IGHMBP2: variants seen among roughly 807,000 people sequenced by gnomAD.
IGHMBP2 encodes the protein DNA-binding protein SMUBP-2.
A neutral mutation model predicts 96.0 loss-of-function variants in IGHMBP2; 81 were observed. The observed-to-expected ratio is 0.84, with a 90% confidence interval of 0.71 to 1.01. IGHMBP2 has a LOEUF of 1.01. Ranked by LOEUF, IGHMBP2 falls within the 50% of genes least tolerant of loss-of-function variation. The pLI is 0.00. For missense variants in IGHMBP2, 1,227 were observed against 1,306.3 expected (o/e 0.94, Z 0.94); for synonymous variants, 557 against 548.9 (o/e 1.01, Z -0.21).
At chr11:68,915,163 G>GT in intron 6 of IGHMBP2, 140 bp downstream of exon 6, 2 of 268,888 alleles carry the variant, frequency 7.4e-6, no homozygotes, top group African/African-American at 3.4e-5. Context: ...AAATTGGGCT[G>GT]CCCTTTTTTT....
At position 68,936,521 on chromosome 11, in the gene IGHMBP2, G is replaced by T; in HGVS notation, c.2041G>T (p.Glu681Ter). 1 of 1,613,494 alleles carries T rather than the reference G, an allele frequency of 6.2e-7. No individual in the cohort carries two copies. The highest frequency in any genetic ancestry group is 8.5e-7 in the Non-Finnish European group (1 of 1,179,858). Residue 681 changes from glutamate (E) to a stop codon, truncating the protein, a stop_gained, in exon 13 of 15, where the codon GAG (glutamate) becomes TAG (stop). Coordinates refer to ENST00000255078, the MANE Select transcript of IGHMBP2 (RefSeq NM_002180.3). LOFTEE classifies it high-confidence loss of function. ...TSTRTGSQRQ[E>*]GGQEAAAPAR... is the part of the protein sequence containing the mutation. ...CACCAGGACCGGAAGCCAGCGGCAG[G>T]AGGGAGGCCAGGAGGCTGCAGCACC...
intron 5 of IGHMBP2, among the ~76,000 whole-genome samples, chr11:68,913,043 C>CAAAAAAAAAAAAAAAA (rs71043469): frequency 6.4e-4 from 24 of 37,480 alleles, no homozygotes; most frequent in Non-Finnish European, 7.7e-4. Context: ...ACTCCATCTC[C>CAAAAAAAAAAAAAAAA]AAAAAAAAAA....
At chr11:68,913,695 G>A (rs1344690989) in intron 5 of IGHMBP2, among the ~76,000 whole-genome samples, 1 of 152,118 alleles carries the variant, frequency 6.6e-6, no homozygotes, top group Non-Finnish European at 1.5e-5. Flanking sequence ...AAGGGGGGAG[G>A]ATCACTTGAA....
intron 1 of IGHMBP2, among the ~76,000 whole-genome samples, chr11:68,905,205 A>G (rs1858141085): frequency 6.6e-6 from 1 of 152,240 alleles, no homozygotes; most frequent in African/African-American, 2.4e-5. Flanking sequence ...GCTGTCAGGC[A>G]GTCTGCTTCC....
At chr11:68,927,324 A>G (rs992194836) in intron 7 of IGHMBP2, among the ~76,000 whole-genome samples, 1 of 152,222 alleles carries the variant, frequency 6.6e-6, no homozygotes, top group Non-Finnish European at 1.5e-5. Flanking sequence ...CTTAGTGGCC[A>G]GCTAGTGATT....
At chr11:68,910,860 G>T (rs181309125) in intron 4 of IGHMBP2, among the ~76,000 whole-genome samples, 11 of 145,720 alleles carry the variant, frequency 7.5e-5, no homozygotes, top group African/African-American at 2.8e-4. Context: ...TCCAGCCTGG[G>T]TGACAAGCAA....
At chr11:68,917,999 G>A (rs1858736001) in intron 7 of IGHMBP2, 116 bp downstream of exon 7, 1 of 1,210,394 alleles carries the variant, frequency 8.3e-7, no homozygotes, top group Non-Finnish European at 1.2e-6. Flanking sequence ...TTAAAAGTTG[G>A]GTAGGGTTCA....
intron 2 of IGHMBP2, 66 bp downstream of exon 2, chr11:68,906,304 C>T (rs763529886): frequency 1.8e-5 from 28 of 1,517,078 alleles, no homozygotes; most frequent in Middle Eastern, 1.8e-4. Flanking sequence ...CTTGTACCCT[C>T]GTAAAGACTG....
At chr11:68,932,747 T>C (rs1368497820) in intron 8 of IGHMBP2, 1 of 165,634 alleles carries the variant, frequency 6.0e-6, no homozygotes, top group East Asian at 1.6e-4. Context: ...CAACAGATTT[T>C]CTGACCTCCA....
chr11:68,936,451 G>C lies in IGHMBP2; in HGVS notation c.1971G>C (p.Gln657His). The change falls in exon 13 of 15, where the codon CAG (glutamine) becomes CAC (histidine). Residue 657 changes from glutamine to histidine, a missense_variant. Transcript: ENST00000255078. ...AAAACTATTCCCATGAGAACTCCCA[G>C]GGTTCCAGCCACGCTGCCACCAAGC... ...VPENYSHENS[Q>H]GSSHAATKPQ... 1 of 1,614,026 alleles carries C rather than the reference G, an allele frequency of 6.2e-7. No individual in the cohort carries two copies. The highest frequency in any genetic ancestry group is 8.5e-7 in the Non-Finnish European group (1 of 1,180,006).
At position 68,939,692 on chromosome 11, in the gene IGHMBP2, C is replaced by T. The variant is rs773684186; in HGVS notation, c.2943C>T (p.Ser981=). 3 of 1,612,444 alleles carry T rather than the reference C, an allele frequency of 1.9e-6. No individual in the cohort carries two copies. The highest frequency in any genetic ancestry group is 1.7e-5 in the Admixed American group (1 of 59,814). Residue 981 remains serine, a synonymous_variant, in exon 15 of 15, where the codon AGC becomes AGT. Transcript: ENST00000255078. ...TGGATAAGAAGCTGAGTGAGCTCAG[C>T]AACCAGAGGACCAGCCGGAGGAAGG... ...RRLDKKLSEL[S]NQRTSRRKER...
intron 7 of IGHMBP2, among the ~76,000 whole-genome samples, chr11:68,921,335 G>A (rs1858869476): frequency 6.6e-6 from 1 of 152,070 alleles, no homozygotes; most frequent in Admixed American, 6.5e-5. Context: ...CTGGACTCAG[G>A]GGATCCTCCC....
At chr11:68,918,942 G>C (rs186422664) in intron 7 of IGHMBP2, among the ~76,000 whole-genome samples, 1 of 151,982 alleles carries the variant, frequency 6.6e-6, no homozygotes, top group Admixed American at 6.6e-5. Context: ...GCTTCTTAAT[G>C]TAGAAGCTGA....
chr11:68,913,204 A>G (rs1858514748), intron 5 of IGHMBP2, among the ~76,000 whole-genome samples: 1 of 152,156 alleles, frequency 6.6e-6, no homozygotes, highest in African/African-American at 2.4e-5. Flanking sequence ...CGGTTTTCCA[A>G]TGTGTGAGTG....
Position 68,936,915 on chromosome 11 carries a change from C to T in IGHMBP2, c.2435C>T (p.Pro812Leu). 1 of 1,605,730 alleles carries T rather than the reference C, an allele frequency of 6.2e-7. No individual in the cohort carries two copies. Among genetic ancestry groups the T allele is most frequent in the Non-Finnish European group, 8.5e-7 (1 of 1,176,570 alleles). The change falls in exon 13 of 15, where the codon CCT (proline) becomes CTT (leucine). Residue 812 changes from proline to leucine, a missense_variant. Physicochemically the swap from Pro to Leu is moderately conservative, Grantham distance 98 (BLOSUM62 -3). Around this residue, in one of 3 missense-constraint regions of IGHMBP2, gnomAD observed 703 missense variants for 770.3 expected, o/e 0.91. Coordinates refer to ENST00000255078, the MANE Select transcript of IGHMBP2 (RefSeq NM_002180.3). ...PAPLQPVPPT[P>L]AQTEQPPREQ... ...CCTCTCCAGCCAGTGCCCCCTACCCCTGCGCAGACAGAGCAGCCTCCCAGG... is the reference window on the plus strand; with the variant it reads ...CCTCTCCAGCCAGTGCCCCCTACCCTTGCGCAGACAGAGCAGCCTCCCAGG...
chr11:68,928,956 C>G (rs1859169702), intron 7 of IGHMBP2, among the ~76,000 whole-genome samples: 1 of 152,234 alleles, frequency 6.6e-6, no homozygotes. Context: ...AATTGAAGAT[C>G]AGAGGGGCCT....
At chr11:68,911,677 A>G in intron 5 of IGHMBP2, 74 bp downstream of exon 5, 1 of 1,414,522 alleles carries the variant, frequency 7.1e-7, no homozygotes. Context: ...GTGCTCAGCG[A>G]CCTTTCAGCC....
At chr11:68,913,208 G>A (rs752361078) in intron 5 of IGHMBP2, among the ~76,000 whole-genome samples, 1 of 152,206 alleles carries the variant, frequency 6.6e-6, no homozygotes, top group Admixed American at 6.5e-5. Context: ...TTTCCAATGT[G>A]TGAGTGTCTT....
rs1009102330 is a variant in IGHMBP2, at chr11:68,934,650, G to A, written c.1632+92G>A. ...AAAAGGGTGATTTGTTGGCTGTGGT[G>A]ACCGAAAAGTTCAGGGGTAGGGCTG... On this transcript the variant is annotated intron_variant, in intron 11 of 14. Transcript: ENST00000255078. 3.9e-6 allele frequency: 4 copies of A among 1,023,746 alleles called. No homozygotes were observed. The African/African-American group carries it at 6.3e-5, about 16-fold the overall frequency. The allele number at this position is 1,023,746 out of a possible 1,614,324, so 63.4% of individuals were successfully genotyped here. A position where few individuals can be genotyped will look rare whatever the true frequency, so the allele number is the denominator to read the frequency against.
Sources: gnomAD v4.1 joint callset for allele counts (sites outside exome capture counted in the v4.1 genomes callset) on GRCh38, gnomAD v4.1.1 for gene constraint, gnomAD v4.1.1 regional missense constraint, MANE v1.5 for transcripts, NCBI Gene and HGNC (gene_info 2026-07-23, HGNC 2026-07-21) for gene names.